Variants in RALB observed in about 807,000 individuals in gnomAD.
RALB encodes RAS like proto-oncogene B.
A neutral mutation model predicts 21.3 loss-of-function variants in RALB; 16 were observed. That is an observed-to-expected ratio of 0.75 (90% CI 0.51 to 1.14). RALB has a LOEUF of 1.14. Ranked by LOEUF, RALB falls within the 50% of genes most tolerant of loss-of-function variation. RALB has a pLI of 0.00. For synonymous variants in RALB, 93 were observed against 96.1 expected, an observed-to-expected ratio of 0.97 and a Z score of 0.19; for missense variants, 161 against 256.2, an observed-to-expected ratio of 0.63 and a Z score of 2.54.
At chr2:120,246,715 C>T (rs1319930246) in intron 1 of RALB, among the ~76,000 whole-genome samples, 1 of 152,156 alleles carries the variant, frequency 6.6e-6, no homozygotes, top group East Asian at 1.9e-4. Flanking sequence ...GGCTGTGGTT[C>T]CCCAGGGAAG....
upstream of RALB, among the ~76,000 whole-genome samples, chr2:120,249,628 A>G (rs1364639969): frequency 6.6e-6 from 1 of 152,208 alleles, no homozygotes; most frequent in Non-Finnish European, 1.5e-5. Flanking sequence ...GCCAAGGAGT[A>G]GCACTAAGCC....
intron 1 of RALB, among the ~76,000 whole-genome samples, chr2:120,266,226 A>G (rs1018078538): frequency 2.6e-5 from 4 of 152,134 alleles, no homozygotes; most frequent in African/African-American, 9.7e-5. Flanking sequence ...ACCAGCCTGG[A>G]CAACATAGTC....
upstream of RALB, among the ~76,000 whole-genome samples, chr2:120,248,864 C>T (rs924440002): frequency 6.6e-6 from 1 of 151,962 alleles, no homozygotes; most frequent in East Asian, 1.9e-4. Flanking sequence ...GAAATGGGGT[C>T]TCGCCATGTT....
At chr2:120,258,882 CA>C (rs1689267883) in intron 1 of RALB, among the ~76,000 whole-genome samples, 1 of 152,164 alleles carries the variant, frequency 6.6e-6, no homozygotes, top group South Asian at 2.1e-4. Flanking sequence ...GTGAGTGTTA[CA>C]GCTCTTAAGG....
chr2:120,293,183 T>C lies in RALB; in HGVS notation c.544T>C (p.Ser182Pro). The C allele has an allele frequency of 1.2e-6, 2 of 1,613,690 alleles. No individual in the cohort carries two copies. The highest frequency in any genetic ancestry group is 1.7e-6 in the Non-Finnish European group (2 of 1,179,780). ...GAGAGAAATCAGAACAAAGAAGATG[T>C]CAGAAAACAAAGACAAGAATGGCAA... Reference protein sequence around the residue: ...LMREIRTKKMSENKDKNGKKS... With the variant: ...LMREIRTKKMPENKDKNGKKS... The change falls in exon 5 of 5, where the codon TCA becomes CCA. Residue 182 changes from serine (S) to proline (P), a missense_variant. Transcript: ENST00000272519.
In RALB at chr2:120,294,420, A is replaced by G. The variant is rs925766252; in HGVS notation, c.*1160A>G. On this transcript the variant is annotated 3_prime_UTR_variant, in exon 5 of 5. Coordinates refer to ENST00000272519, the MANE Select transcript of RALB (RefSeq NM_002881.3). ...TTAGAAAAAGATTTTCATTGATGAC[A>G]TATCTTTAAACTTTCTTGCATCAGT... The G allele has an allele frequency of 2.5e-6, 1 of 397,332 alleles. No homozygotes were observed. The highest frequency in any genetic ancestry group is 2.1e-5 in the African/African-American group (1 of 48,622). The allele number at this position is 397,332 out of a possible 1,614,324, so 24.6% of individuals were successfully genotyped here. A position where few individuals can be genotyped will look rare whatever the true frequency, so the allele number is the denominator to read the frequency against.
chr2:120,253,984 A>C (rs1332239620), intron 1 of RALB, among the ~76,000 whole-genome samples: 1 of 152,170 alleles, frequency 6.6e-6, no homozygotes, highest in Non-Finnish European at 1.5e-5. Flanking sequence ...AAGCAGAGCC[A>C]TAAGATTGTT....
chr2:120,284,651 C>T (rs373132602), intron 2 of RALB, among the ~76,000 whole-genome samples: 8 of 152,148 alleles, frequency 5.3e-5, no homozygotes, highest in South Asian at 2.1e-4. Flanking sequence ...CTGCCTGCCC[C>T]GGCCTAAAGT....
intron 1 of RALB, among the ~76,000 whole-genome samples, chr2:120,261,986 A>G (rs1689377466): frequency 1.3e-5 from 2 of 152,274 alleles, no homozygotes; most frequent in South Asian, 4.1e-4. Context: ...GGGTTTTCGG[A>G]GAAGAGAGGA....
chr2:120,241,115 G>A (rs542837483), intron 1 of RALB, among the ~76,000 whole-genome samples: 1 of 152,334 alleles, frequency 6.6e-6, no homozygotes, highest in South Asian at 2.1e-4. Flanking sequence ...GGCTGAGACT[G>A]CCCAGTGGCG....
At chr2:120,259,511 G>C (rs2104589216) in intron 1 of RALB, among the ~76,000 whole-genome samples, 1 of 152,008 alleles carries the variant, frequency 6.6e-6, no homozygotes, top group Non-Finnish European at 1.5e-5. Context: ...TACAATCCCT[G>C]AGCTAGACGT....
At position 120,278,623 on chromosome 2, in the gene RALB, C is replaced by A; in HGVS notation, c.-42C>A. On this transcript the variant is annotated 5_prime_UTR_variant, in exon 2 of 5. Coordinates refer to ENST00000272519, the MANE Select transcript of RALB (RefSeq NM_002881.3). Reference sequence around the variant, plus strand: ...TTTGTCTTTGTCATCAGCAGCTCTTCAGTGGGTCATCTGTGTGTCACAGCC... The same window carrying A: ...TTTGTCTTTGTCATCAGCAGCTCTTAAGTGGGTCATCTGTGTGTCACAGCC... 2 of 1,523,704 alleles carry A rather than the reference C, an allele frequency of 1.3e-6. No individual in the cohort carries two copies. The highest frequency in any genetic ancestry group is 1.7e-4 in the Middle Eastern group (1 of 5,800). 94.4% of individuals were successfully genotyped at this position (1,523,704 alleles called of 1,614,324 possible). A position where few individuals can be genotyped will look rare whatever the true frequency, so the allele number is the denominator to read the frequency against.
chr2:120,251,347 C>T (rs975575903), upstream of RALB, among the ~76,000 whole-genome samples: 1 of 152,194 alleles, frequency 6.6e-6, no homozygotes, highest in African/African-American at 2.4e-5. Context: ...ACATCGTGGC[C>T]TCTGGTGGCA....
At chr2:120,267,863 G>C (rs979991271) in intron 1 of RALB, among the ~76,000 whole-genome samples, 1 of 152,080 alleles carries the variant, frequency 6.6e-6, no homozygotes, top group Non-Finnish European at 1.5e-5. Context: ...GTGATCTGGG[G>C]TCACTGCAAC....
chr2:120,256,400 C>T (rs1277346191), intron 1 of RALB, among the ~76,000 whole-genome samples: 1 of 151,914 alleles, frequency 6.6e-6, no homozygotes, highest in Non-Finnish European at 1.5e-5. Flanking sequence ...TGTGTCCCTA[C>T]CCAAATCTCA....
At chr2:120,262,784 C>T (rs1689399481) in intron 1 of RALB, among the ~76,000 whole-genome samples, 1 of 152,170 alleles carries the variant, frequency 6.6e-6, no homozygotes, top group Admixed American at 6.5e-5. Flanking sequence ...TTGGTTATGC[C>T]TCTAAGGCAA....
Position 120,262,205 on chromosome 2 carries a change from A to G in RALB, c.-48+9225A>G, listed in dbSNP as rs536853954. 3.3e-5 allele frequency among the ~76,000 whole-genome samples: 5 copies of G among 152,254 alleles called. No individual in the cohort carries two copies. In the South Asian group the frequency reaches 6.2e-4, roughly 19 times the overall value. On this transcript the variant is annotated intron_variant, in intron 1 of 4. Coordinates refer to ENST00000272519, the MANE Select transcript of RALB (RefSeq NM_002881.3). ...GCTGGAAAGGCCAGGCCTCAAAGGT[A>G]TGGGGGCTTTTGTAAGACGGATGGG...
intron 2 of RALB, among the ~76,000 whole-genome samples, chr2:120,282,687 C>T (rs1690021965): frequency 6.6e-6 from 1 of 151,940 alleles, no homozygotes; most frequent in African/African-American, 2.4e-5. Flanking sequence ...GTCTGTTTTT[C>T]TCATGGGCTA....
intron 4 of RALB, among the ~76,000 whole-genome samples, chr2:120,292,352 C>T (rs1465095168): frequency 6.6e-6 from 1 of 152,162 alleles, no homozygotes; most frequent in Admixed American, 6.5e-5. Context: ...TTTACGCCCT[C>T]CTTCTCCCAT....
Sources: gnomAD v4.1 joint callset for allele counts (sites outside exome capture counted in the v4.1 genomes callset) on GRCh38, gnomAD v4.1.1 for gene constraint, MANE v1.5 for transcripts, NCBI Gene and HGNC (gene_info 2026-07-23, HGNC 2026-07-21) for gene names.